Variants in NELL2 observed in about 807,000 individuals in gnomAD.
NELL2 encodes the protein neural EGFL like 2.
In NELL2, 41 loss-of-function variants were observed where a neutral mutation model predicts 109.6. That is an observed-to-expected ratio of 0.37 (90% confidence interval 0.29 to 0.49). The LOEUF is 0.49. Ranked by LOEUF, NELL2 falls within the 20% of genes least tolerant of loss-of-function variation. The pLI, the probability that NELL2 is intolerant of heterozygous loss-of-function variation, is 0.98. For missense variants in NELL2, 900 were observed against 1,008.3 expected (o/e 0.89, Z 1.45); for synonymous variants, 355 against 344.7 (o/e 1.03, Z -0.33).
At chr12:44,579,127 C>T (rs755259918) in intron 15 of NELL2, among the ~76,000 whole-genome samples, 2 of 152,134 alleles carry the variant, frequency 1.3e-5, no homozygotes, top group Admixed American at 6.5e-5. Flanking sequence ...AAAGTTACTT[C>T]CAATTTTAAT....
intron 12 of NELL2, among the ~76,000 whole-genome samples, chr12:44,676,249 G>A (rs1393545786): frequency 1.3e-5 from 2 of 152,054 alleles, no homozygotes; most frequent in African/African-American, 4.8e-5. Flanking sequence ...CACAAACTAG[G>A]ATAAAGACTA....
chr12:44,884,009 C>T (rs1259865644), intron 1 of NELL2, among the ~76,000 whole-genome samples: 1 of 151,528 alleles, frequency 6.6e-6, no homozygotes, highest in Non-Finnish European at 1.5e-5. Flanking sequence ...CTAATCATAA[C>T]AATTAAAAGA....
intron 3 of NELL2, among the ~76,000 whole-genome samples, chr12:44,797,972 GATGGAATAAAAT>G (rs1158624907): frequency 3.8e-4 from 19 of 50,548 alleles, no homozygotes; most frequent in Non-Finnish European, 7.8e-4. Flanking sequence ...TTCCATCCTA[GATGGAATAAAAT>G]CATTCCATCC....
intron 12 of NELL2, 53 bp from the exon 13 acceptor site, chr12:44,665,662 C>T (rs1947900861): frequency 4.0e-6 from 6 of 1,506,216 alleles, no homozygotes; most frequent in East Asian, 2.3e-5. Context: ...TTCTGGAGCT[C>T]CTATATAATT....
At chr12:44,834,581 T>C (rs1484735881) in intron 2 of NELL2, among the ~76,000 whole-genome samples, 1 of 152,186 alleles carries the variant, frequency 6.6e-6, no homozygotes, top group Non-Finnish European at 1.5e-5. Flanking sequence ...GACAACAATT[T>C]AGCAATAAAT....
chr12:44,687,589 T>TTTTTGA (rs1389291015), intron 12 of NELL2, among the ~76,000 whole-genome samples: 3 of 152,226 alleles, frequency 2.0e-5, no homozygotes, highest in Non-Finnish European at 4.4e-5. Context: ...TTTTGAAAGC[T>TTTTTGA]AATGGATAGA....
intron 9 of NELL2, among the ~76,000 whole-genome samples, chr12:44,772,764 A>C (rs920852699): frequency 6.6e-6 from 1 of 152,038 alleles, no homozygotes; most frequent in African/African-American, 2.4e-5. Flanking sequence ...TTTTTTAGCC[A>C]TATCTAATGA....
At chr12:44,881,585 C>T (rs1399058373) in intron 1 of NELL2, among the ~76,000 whole-genome samples, 6 of 151,750 alleles carry the variant, frequency 4.0e-5, no homozygotes, top group Non-Finnish European at 7.4e-5. Flanking sequence ...TTAAAATTAC[C>T]CAATCTGAAC....
At chr12:44,884,082 A>G (rs1945444472) in intron 1 of NELL2, among the ~76,000 whole-genome samples, 1 of 151,804 alleles carries the variant, frequency 6.6e-6, no homozygotes. Context: ...AAAGAAATCT[A>G]CTTCAAATAT....
intron 9 of NELL2, among the ~76,000 whole-genome samples, chr12:44,732,857 A>G (rs1939441090): frequency 6.6e-6 from 1 of 152,030 alleles, no homozygotes; most frequent in South Asian, 2.1e-4. Context: ...ATGGCAGAAA[A>G]ACAAATAACC....
Position 44,790,656 on chromosome 12 carries a change from T to G in NELL2, c.336-10634A>C, listed in dbSNP as rs547763320. ...AGAACATGATGAATGCAACGGCACCTCACATTTCAATACTAACATTGAATG... is the reference window on the plus strand; with the variant it reads ...AGAACATGATGAATGCAACGGCACCGCACATTTCAATACTAACATTGAATG... On this transcript the variant is annotated intron_variant, in intron 3 of 19. Coordinates refer to ENST00000429094, the MANE Select transcript of NELL2 (RefSeq NM_001145108.2). Among the ~76,000 whole-genome samples the G allele has an allele frequency of 1.4e-4, 21 of 151,542 alleles. No homozygotes were observed. In the South Asian group the frequency reaches 4.4e-3, roughly 32 times the overall value.
chr12:44,778,544 C>T (rs1011938652), intron 5 of NELL2, among the ~76,000 whole-genome samples: 2 of 152,108 alleles, frequency 1.3e-5, no homozygotes, highest in African/African-American at 4.8e-5. Flanking sequence ...GATTTTGAGG[C>T]CACACTTAGG....
At chr12:44,581,973 G>A (rs1944341529) in intron 15 of NELL2, among the ~76,000 whole-genome samples, 1 of 152,090 alleles carries the variant, frequency 6.6e-6, no homozygotes, top group African/African-American at 2.4e-5. Context: ...AGAATGCCAG[G>A]CATTCTTGAG....
chr12:44,545,474 A>G (rs1476366238), intron 15 of NELL2, among the ~76,000 whole-genome samples: 2 of 152,118 alleles, frequency 1.3e-5, no homozygotes, highest in African/African-American at 4.8e-5. Flanking sequence ...AAGAGTTCAT[A>G]GTCTTATAAA....
chr12:44,693,306 CATA>C (rs1221111714), intron 12 of NELL2, among the ~76,000 whole-genome samples: 4 of 152,134 alleles, frequency 2.6e-5, no homozygotes, highest in Non-Finnish European at 5.9e-5. Flanking sequence ...TTTTTAAAGA[CATA>C]ATGACATTGC....
intron 13 of NELL2, among the ~76,000 whole-genome samples, chr12:44,644,750 A>G (rs1370329357): frequency 1.3e-5 from 2 of 151,098 alleles, no homozygotes; most frequent in Non-Finnish European, 3.0e-5. Flanking sequence ...TTTATTGGCT[A>G]AATTAATGGT....
upstream of NELL2, among the ~76,000 whole-genome samples, chr12:44,917,449 T>A (rs1362868491): frequency 6.6e-6 from 1 of 152,134 alleles, no homozygotes; most frequent in Non-Finnish European, 1.5e-5. Flanking sequence ...GGAGTTAATA[T>A]ATTGCACATG....
chr12:44,514,823 G>A (rs1592052581), intron 19 of NELL2, among the ~76,000 whole-genome samples: 1 of 151,254 alleles, frequency 6.6e-6, no homozygotes, highest in Non-Finnish European at 1.5e-5. Flanking sequence ...AGTGAACAGA[G>A]TTGTAAAATA....
chr12:44,591,844 T>C (rs1027141569), intron 15 of NELL2, among the ~76,000 whole-genome samples: 9 of 152,202 alleles, frequency 5.9e-5, no homozygotes, highest in Non-Finnish European at 1.2e-4. Context: ...TTAGACATTG[T>C]ATACATGTAT....
Sources: gnomAD v4.1 joint callset for allele counts (sites outside exome capture counted in the v4.1 genomes callset) on GRCh38, gnomAD v4.1.1 for gene constraint, MANE v1.5 for transcripts, NCBI Gene and HGNC (gene_info 2026-07-23, HGNC 2026-07-21) for gene names.